The following TMEM80 variants were observed in gnomAD, a reference collection of about 807,000 sequenced individuals.
TMEM80 encodes the protein transmembrane protein 80.
A neutral mutation model predicts 13.6 loss-of-function variants in TMEM80; 16 were observed. That is an observed-to-expected ratio of 1.17 (90% CI 0.79 to 1.78). The LOEUF (loss-of-function observed/expected upper bound fraction) is 1.78, where lower values mean the gene tolerates loss of function less well. Ranked by LOEUF, TMEM80 falls within the 40% of genes most tolerant of loss-of-function variation. The pLI is 0.00. For synonymous variants in TMEM80, 92 were observed against 89.5 expected, an observed-to-expected ratio of 1.03 and a Z score of -0.16; for missense variants, 167 against 184.6, an observed-to-expected ratio of 0.90 and a Z score of 0.55.
intron 1 of TMEM80, among the ~76,000 whole-genome samples, chr11:697,267 T>C (rs1453529963): frequency 1.3e-5 from 2 of 152,162 alleles, no homozygotes; most frequent in African/African-American, 4.8e-5. Context: ...AAAAACTAAG[T>C]GTATACCAAA....
chr11:702,995 G>A lies in TMEM80; in HGVS notation c.277G>A (p.Ala93Thr). The A allele has an allele frequency of 6.2e-7, 1 of 1,611,852 alleles. No individual in the cohort carries two copies. ...TGAGAGGCCGCTGGCCGCCAGCCTG[G>A]CCCTCACGGCTGGCACCGCCCTCCT... ...EAERPLAASL[A>T]LTAGTALLSA... Residue 93 changes from alanine (A) to threonine (T), a missense_variant, in exon 5 of 5, where the codon GCC becomes ACC. Coordinates refer to ENST00000397510, the MANE Select transcript of TMEM80 (RefSeq NM_001042463.3).
chr11:699,994 C>T, intron 2 of TMEM80, 148 bp from the exon 3 acceptor site: 1 of 624,408 alleles, frequency 1.6e-6, no homozygotes, highest in South Asian at 1.9e-5. Flanking sequence ...ACAGAAGCCT[C>T]AGATAGGCAG....
chr11:703,775 AT>A lies in TMEM80; in HGVS notation c.*626del. On this transcript the variant is annotated 3_prime_UTR_variant, in exon 5 of 5. Coordinates refer to ENST00000397510, the MANE Select transcript of TMEM80 (RefSeq NM_001042463.3). ...ACAGCTCTGCTGCCTAGCAATTTCC[AT>A]CTTAGCCACACTTCTCCCTTCAGGG... 1 of 1,233,072 alleles carries A rather than the reference AT, an allele frequency of 8.1e-7. No individual in the cohort carries two copies. The highest frequency in any genetic ancestry group is 1.0e-6 in the Non-Finnish European group (1 of 989,000). The allele number at this position is 1,233,072 out of a possible 1,614,324, so 76.4% of individuals were successfully genotyped here.
At chr11:704,429 CTG>C, downstream of TMEM80, 2 of 1,287,782 alleles carry the variant, frequency 1.6e-6, no homozygotes, top group Non-Finnish European at 2.0e-6. Context: ...TTTGACCTGT[CTG>C]TGGCCCCCAG....
downstream of TMEM80, chr11:704,275 T>G (rs1471284233): frequency 4.1e-6 from 3 of 724,038 alleles, no homozygotes; most frequent in Non-Finnish European, 5.8e-6. Context: ...GGTGGACTCC[T>G]GAGGGCAGGA....
At chr11:700,526 C>CAAA (rs34654075) in intron 3 of TMEM80, 89 bp from the exon 4 acceptor site, 502 of 900,138 alleles carry the variant, frequency 5.6e-4, no homozygotes, top group Non-Finnish European at 7.7e-4. Context: ...GACCCTGTCT[C>CAAA]AAAAAAAAAA....
chr11:703,314 G>A lies in TMEM80; in HGVS notation c.*164G>A. On this transcript the variant is annotated 3_prime_UTR_variant, in exon 5 of 5. Transcript: ENST00000397510. Reference sequence around the variant, plus strand: ...TGTTCTGGCAGGAGTGGGAGCAGGAGCCAGGGCAGAACAAACTGCTGGAGG... The same window carrying A: ...TGTTCTGGCAGGAGTGGGAGCAGGAACCAGGGCAGAACAAACTGCTGGAGG... The A allele has an allele frequency of 7.0e-7, 1 of 1,419,348 alleles. No homozygotes were observed. Among genetic ancestry groups the A allele is most frequent in the Non-Finnish European group, 9.2e-7 (1 of 1,085,150 alleles). 87.9% of individuals were successfully genotyped at this position (1,419,348 alleles called of 1,614,324 possible). A position where few individuals can be genotyped will look rare whatever the true frequency, so the allele number is the denominator to read the frequency against.
chr11:698,626 C>T (rs11246269), intron 1 of TMEM80, among the ~76,000 whole-genome samples: 32,555 of 151,982 alleles, frequency 0.21, 4,008 homozygotes, highest in African/African-American at 0.34. Flanking sequence ...CACCCCGGTG[C>T]CCCCGGTACT....
chr11:698,901 G>A lies in TMEM80; in HGVS notation c.39+13G>A, dbSNP rs747630960. The stretch of plus-strand genomic sequence containing the variant: ...ATCCTCCACAGTGGTATCCTGCTGC[G>A]TGCCCCTCCAGGACAGCACCCAGAG... On this transcript the variant is annotated intron_variant, in intron 2 of 4. Coordinates refer to ENST00000397510, the MANE Select transcript of TMEM80 (RefSeq NM_001042463.3). 4.0e-5 allele frequency: 65 copies of A among 1,613,862 alleles called. No homozygotes were observed. Among genetic ancestry groups the A allele is most frequent in the Non-Finnish European group, 5.3e-5 (63 of 1,180,034 alleles).
chr11:699,159 G>A (rs561272243), intron 2 of TMEM80: 14 of 487,912 alleles, frequency 2.9e-5, no homozygotes, highest in African/African-American at 9.6e-5. Flanking sequence ...CCTCTGTCTC[G>A]GCCGCTAGTG....
chr11:701,019 A>C (rs1861433252), intron 4 of TMEM80: 2 of 437,742 alleles, frequency 4.6e-6, no homozygotes, highest in African/African-American at 2.0e-5. Flanking sequence ...GGAGCTCCGG[A>C]ATATTCACCA....
downstream of TMEM80, chr11:704,735 G>A (rs985635873): frequency 2.1e-5 from 23 of 1,105,990 alleles, no homozygotes; most frequent in African/African-American, 3.5e-4. Flanking sequence ...GTGACCCGGA[G>A]TGGATGGGGC....
chr11:700,889 C>T (rs1196442361), intron 4 of TMEM80, 182 bp downstream of exon 4: 1 of 645,232 alleles, frequency 1.5e-6, no homozygotes, highest in Non-Finnish European at 2.8e-6. Context: ...GAAGTTTTGT[C>T]CCAGAGACAA....
At chr11:700,916 C>T (rs1590037233) in intron 4 of TMEM80, 13 of 603,042 alleles carry the variant, frequency 2.2e-5, no homozygotes, top group East Asian at 1.1e-4. Context: ...CTGGGGGCAT[C>T]GTTGGGAGAG....
At chr11:698,365 G>A (rs1278685054) in intron 1 of TMEM80, among the ~76,000 whole-genome samples, 4 of 152,200 alleles carry the variant, frequency 2.6e-5, no homozygotes, top group South Asian at 2.1e-4. Flanking sequence ...CTGCATTGCT[G>A]GTTTGGAAAA....
At chr11:697,097 T>C (rs1364051497) in intron 1 of TMEM80, among the ~76,000 whole-genome samples, 1 of 84,464 alleles carries the variant, frequency 1.2e-5, no homozygotes, top group Non-Finnish European at 2.5e-5. Flanking sequence ...CGAAATTCTG[T>C]CTCAAAAAAA....
chr11:696,598 AT>A (rs1483351856), intron 1 of TMEM80, among the ~76,000 whole-genome samples: 1 of 151,636 alleles, frequency 6.6e-6, no homozygotes, highest in Non-Finnish European at 1.5e-5. Flanking sequence ...GACCCCCTCT[AT>A]AAAAAAAAAA....
At chr11:699,999 A>G (rs902318636) in intron 2 of TMEM80, 143 bp from the exon 3 acceptor site, 13 of 635,774 alleles carry the variant, frequency 2.0e-5, no homozygotes, top group Admixed American at 5.6e-5. Context: ...AGCCTCAGAT[A>G]GGCAGTGAGC....
intron 1 of TMEM80, among the ~76,000 whole-genome samples, chr11:698,421 G>C (rs1282397518): frequency 6.6e-6 from 1 of 152,238 alleles, no homozygotes; most frequent in Non-Finnish European, 1.5e-5. Context: ...TCAGAGGAAA[G>C]CAAATGTCTC....
Sources: allele counts gnomAD v4.1 joint callset (sites outside exome capture counted in the v4.1 genomes callset), GRCh38; gene constraint gnomAD v4.1.1; transcripts MANE v1.5; gene names NCBI Gene and HGNC (gene_info 2026-07-23, HGNC 2026-07-21).